QRICH1: variants seen among roughly 807,000 people sequenced by gnomAD.
QRICH1 encodes glutamine rich 1.
QRICH1 carries 16 observed loss-of-function variants against 87.1 expected under a neutral mutation model. The ratio of observed to expected loss-of-function variants is 0.18; its 90% CI spans 0.12 to 0.28. The LOEUF is 0.28. QRICH1 is among the 10% of genes least tolerant of loss of function. The pLI is 1.00. For synonymous variants in QRICH1, 367 were observed against 368.4 expected (o/e 1.00, Z 0.05); for missense variants, 647 against 951.7 (o/e 0.68, Z 4.21).
intron 2 of QRICH1, among the ~76,000 whole-genome samples, chr3:49,069,104 A>ATTC (rs201458261): frequency 9.7e-6 from 1 of 103,090 alleles, no homozygotes; most frequent in South Asian, 3.5e-4. Flanking sequence ...TATTATTATT[A>ATTC]TTATTTTTTT....
At chr3:49,081,602 T>C (rs899158939) in intron 1 of QRICH1, among the ~76,000 whole-genome samples, 4 of 151,844 alleles carry the variant, frequency 2.6e-5, no homozygotes, top group African/African-American at 9.7e-5. Context: ...CTGGGATCAA[T>C]TGTTCCTCTC....
chr3:49,067,702 C>T (rs1185198859), intron 2 of QRICH1, among the ~76,000 whole-genome samples: 2 of 149,950 alleles, frequency 1.3e-5, no homozygotes, highest in South Asian at 2.1e-4. Context: ...GGCAAAAGGC[C>T]AGGCGCGGTG....
In QRICH1 at chr3:49,068,354, G is replaced by A. The variant is rs1409525363; in HGVS notation, c.309+8355C>T. Among the ~76,000 whole-genome samples, 6 of 152,092 alleles carry A rather than the reference G, an allele frequency of 3.9e-5. No individual in the cohort carries two copies. In the East Asian group the frequency reaches 9.7e-4, roughly 25 times the overall value. ...AGCCTATAGTCCCAGCTACTCAGGA[G>A]GCTGAGGTGGGAGGATCCCTTAAGC... On this transcript the variant is annotated intron_variant, in intron 2 of 9. Transcript: ENST00000395443.
upstream of QRICH1, chr3:49,094,239 A>C (rs2042338474): frequency 7.9e-6 from 3 of 380,902 alleles, no homozygotes; most frequent in Non-Finnish European, 1.4e-5. Context: ...CGCTCCGCCC[A>C]TGGACGCCTC....
intron 7 of QRICH1, 167 bp from the exon 8 acceptor site, chr3:49,032,940 T>C (rs1360879582): frequency 8.2e-6 from 8 of 977,458 alleles, no homozygotes; most frequent in Admixed American, 3.1e-5. Flanking sequence ...AGATGGATGG[T>C]AGGGGTCTGG....
At chr3:49,032,870 A>G in intron 7 of QRICH1, 97 bp from the exon 8 acceptor site, 3 of 1,417,562 alleles carry the variant, frequency 2.1e-6, no homozygotes, top group Non-Finnish European at 2.9e-6. Flanking sequence ...GCCACTGCCC[A>G]CATTCCCAAG....
chr3:49,036,113 T>TAAAAC (rs2093273891), intron 6 of QRICH1, among the ~76,000 whole-genome samples: 1 of 151,576 alleles, frequency 6.6e-6, no homozygotes. Flanking sequence ...CAAAATAAAA[T>TAAAAC]AAAACAGACT....
intron 3 of QRICH1, among the ~76,000 whole-genome samples, chr3:49,048,545 T>C (rs1175318295): frequency 6.7e-6 from 1 of 149,822 alleles, no homozygotes; most frequent in Non-Finnish European, 1.5e-5. Flanking sequence ...TCCCAGCACT[T>C]TGGGAGGCCG....
Position 49,046,421 on chromosome 3 carries a change from C to T in QRICH1, c.1671+4G>A. On this transcript the variant is annotated splice_donor_region_variant and intron_variant, in intron 5 of 9. Transcript: ENST00000395443. ...ACATGTTCTTGTGAAGATCTGTTTC[C>T]TACCTTTTGAATACACAGGAAAATA... 1 of 1,611,022 alleles carries T rather than the reference C, an allele frequency of 6.2e-7. No individual in the cohort carries two copies. Among genetic ancestry groups the T allele is most frequent in the Non-Finnish European group, 8.5e-7 (1 of 1,178,996 alleles).
intron 2 of QRICH1, among the ~76,000 whole-genome samples, chr3:49,071,048 T>C (rs1348651828): frequency 1.4e-5 from 2 of 139,492 alleles, no homozygotes; most frequent in Non-Finnish European, 3.1e-5. Context: ...CAAAAAACAC[T>C]CCAAACTTAA....
chr3:49,084,958 C>T (rs1398312991), intron 1 of QRICH1, among the ~76,000 whole-genome samples: 3 of 151,648 alleles, frequency 2.0e-5, no homozygotes, highest in Non-Finnish European at 4.4e-5. Flanking sequence ...CTGGCTATCA[C>T]GGTGAAACCC....
chr3:49,055,485 C>T (rs2093395845), intron 3 of QRICH1, among the ~76,000 whole-genome samples: 1 of 152,162 alleles, frequency 6.6e-6, no homozygotes. Context: ...GCAACCCTCG[C>T]ATCTACGCTG....
Position 49,057,659 on chromosome 3 carries a change from G to C in QRICH1, c.541C>G (p.Gln181Glu). The change falls in exon 3 of 10, where the codon CAG becomes GAG. Residue 181 changes from glutamine (Q) to glutamate (E), a missense_variant. Coordinates refer to ENST00000395443, the MANE Select transcript of QRICH1 (RefSeq NM_198880.3). The surrounding 1 kb of genome is among the most constrained non-coding windows in gnomAD (Gnocchi z 5.4). ...VQHVQAAQQI[Q>E]AAEIPEEHIP... ...TGCTCCTCCGGGATTTCTGCAGCCT[G>C]GATCTGCTGGGCTGCTTGCACGTGC... The C allele has an allele frequency of 1.9e-6, 3 of 1,614,196 alleles. No homozygotes were observed. Among genetic ancestry groups the C allele is most frequent in the Non-Finnish European group, 1.7e-6 (2 of 1,180,024 alleles).
intron 2 of QRICH1, among the ~76,000 whole-genome samples, chr3:49,072,574 T>C (rs375949446): frequency 6.6e-6 from 1 of 152,238 alleles, no homozygotes; most frequent in East Asian, 1.9e-4. Flanking sequence ...TTTATTATCT[T>C]ATTCAGTCTC....
At chr3:49,033,092 C>A in intron 7 of QRICH1, 28 bp downstream of exon 7, 1 of 1,421,086 alleles carries the variant, frequency 7.0e-7, no homozygotes. Flanking sequence ...TGGACAGATG[C>A]CAGCAGTGGA....
intron 1 of QRICH1, among the ~76,000 whole-genome samples, chr3:49,088,516 T>C (rs917418039): frequency 1.3e-5 from 2 of 150,502 alleles, no homozygotes; most frequent in Non-Finnish European, 2.9e-5. Context: ...CAGGCTGTTC[T>C]CGAACTCCTG....
In QRICH1 at chr3:49,080,574, T is replaced by C. The variant is rs149955034; in HGVS notation, c.-21-3536A>G. On this transcript the variant is annotated intron_variant, in intron 1 of 9. Coordinates refer to ENST00000395443, the MANE Select transcript of QRICH1 (RefSeq NM_198880.3). ...AGAACTGAAAAACCTTCGTGACTAT[T>C]GCCCAGTAAAGCCAGTCTCTATGAT... is the stretch of plus-strand genomic sequence containing the variant. Among the ~76,000 whole-genome samples the C allele has an allele frequency of 6.1e-3, 932 of 152,284 alleles. 5 individuals are homozygous for C. Among genetic ancestry groups the C allele is most frequent in the Non-Finnish European group, 0.01 (685 of 68,030 alleles).
At chr3:49,076,075 C>CTTA (rs2041945180) in intron 2 of QRICH1, among the ~76,000 whole-genome samples, 1 of 152,026 alleles carries the variant, frequency 6.6e-6, no homozygotes, top group South Asian at 2.1e-4. Flanking sequence ...AACCCCGTCT[C>CTTA]TATTAAAAGT....
chr3:49,045,819 T>C (rs1171274110), intron 5 of QRICH1, among the ~76,000 whole-genome samples: 1 of 151,688 alleles, frequency 6.6e-6, no homozygotes, highest in African/African-American at 2.4e-5. Flanking sequence ...CTCAAACTCC[T>C]GGGGCTCAAG....
Sources: allele counts gnomAD v4.1 joint callset (sites outside exome capture counted in the v4.1 genomes callset), GRCh38; gene constraint gnomAD v4.1.1; non-coding constraint Gnocchi (gnomAD v3.1); transcripts MANE v1.5; gene names NCBI Gene and HGNC (gene_info 2026-07-23, HGNC 2026-07-21).